STIM2: variants seen among roughly 807,000 people sequenced by gnomAD.
STIM2 encodes stromal interaction molecule 2.
A neutral mutation model predicts 85.8 loss-of-function variants in STIM2; 31 were observed. The ratio of observed to expected loss-of-function variants is 0.36; its 90% CI spans 0.27 to 0.49. The LOEUF is 0.49. Among genes scored for constraint, STIM2 ranks in the 20% least tolerant of loss-of-function variants. The pLI, the probability that STIM2 is intolerant of heterozygous loss-of-function variation, is 0.98. For synonymous variants in STIM2, 356 were observed against 331.1 expected, an observed-to-expected ratio of 1.08 and a Z score of -0.82; for missense variants, 841 against 927.6, an observed-to-expected ratio of 0.91 and a Z score of 1.21.
Position 26,861,387 on chromosome 4 carries a change from G to C in STIM2, c.151+18G>C. 7.8e-7 allele frequency: 1 copy of C among 1,286,130 alleles called. No homozygotes were observed. Among genetic ancestry groups the C allele is most frequent in the Non-Finnish European group, 9.8e-7 (1 of 1,020,796 alleles). The allele number at this position is 1,286,130 out of a possible 1,614,324, so 79.7% of individuals were successfully genotyped here. A position where few individuals can be genotyped will look rare whatever the true frequency, so the allele number is the denominator to read the frequency against. On this transcript the variant is annotated intron_variant, in intron 1 of 11. Transcript: ENST00000467087. ...CATGACAGGTGAGGGGCCGGGGGGC[G>C]GCGGGCGGGGCTCGGCCGGCAGCGA... is the stretch of plus-strand genomic sequence containing the variant.
intron 2 of STIM2, among the ~76,000 whole-genome samples, chr4:26,932,913 C>T (rs895199307): frequency 5.9e-5 from 9 of 152,160 alleles, no homozygotes; most frequent in African/African-American, 2.2e-4. Flanking sequence ...GGAAAAAACA[C>T]ATAACGACTT....
intron 1 of STIM2, among the ~76,000 whole-genome samples, chr4:26,900,869 C>T (rs545850583): frequency 1.3e-5 from 2 of 152,302 alleles, no homozygotes; most frequent in Admixed American, 6.5e-5. Context: ...CTCTCTGTCA[C>T]TGCTGTAGCT....
Position 27,022,483 on chromosome 4 carries a change from A to G in STIM2, c.1764-36A>G. On this transcript the variant is annotated intron_variant, in intron 11 of 11. Coordinates refer to ENST00000467087, the MANE Select transcript of STIM2 (RefSeq NM_020860.4). ...TGCTAGTACTCTTAAGAACATACTG[A>G]TTTAAAATTTGTACCTTTGTTTGTG... 2.6e-6 allele frequency: 4 copies of G among 1,517,602 alleles called. No individual in the cohort carries two copies. In the East Asian group the frequency reaches 9.1e-5, roughly 34 times the overall value. The allele number at this position is 1,517,602 out of a possible 1,614,324, so 94.0% of individuals were successfully genotyped here. A position where few individuals can be genotyped will look rare whatever the true frequency, so the allele number is the denominator to read the frequency against.
chr4:26,961,951 A>G (rs1010540), intron 3 of STIM2, among the ~76,000 whole-genome samples: 2,277 of 152,054 alleles, frequency 0.015, 37 homozygotes, highest in Non-Finnish European at 0.025. Flanking sequence ...GGATCTTACT[A>G]TGTTGCCAAG....
intron 1 of STIM2, among the ~76,000 whole-genome samples, chr4:26,907,332 G>A (rs1284757793): frequency 6.6e-6 from 1 of 152,084 alleles, no homozygotes; most frequent in African/African-American, 2.4e-5. Flanking sequence ...AGGATAGGTA[G>A]AAAGGACCAT....
intron 10 of STIM2, among the ~76,000 whole-genome samples, chr4:27,011,604 C>T (rs745488243): frequency 6.6e-6 from 1 of 152,174 alleles, no homozygotes; most frequent in Non-Finnish European, 1.5e-5. Context: ...TGCCTGTATC[C>T]TCATCAGTAC....
intron 1 of STIM2, among the ~76,000 whole-genome samples, chr4:26,867,947 G>A (rs958012292): frequency 1.3e-5 from 2 of 152,142 alleles, no homozygotes; most frequent in Non-Finnish European, 2.9e-5. Flanking sequence ...TAAATTGGGG[G>A]TAGGGAACCC....
At chr4:27,008,636 G>T in intron 9 of STIM2, 108 bp downstream of exon 9, 1 of 1,147,738 alleles carries the variant, frequency 8.7e-7, no homozygotes, top group Non-Finnish European at 1.2e-6. Flanking sequence ...ATTTACATTA[G>T]TTTTAAGAGT....
chr4:26,878,465 A>T (rs911600716), intron 1 of STIM2, among the ~76,000 whole-genome samples: 1 of 152,058 alleles, frequency 6.6e-6, no homozygotes, highest in African/African-American at 2.4e-5. Context: ...TTTTACTTCT[A>T]TCTCTCCCCT....
intron 1 of STIM2, among the ~76,000 whole-genome samples, chr4:26,871,773 G>A (rs544747034): frequency 6.7e-6 from 1 of 149,554 alleles, no homozygotes; most frequent in South Asian, 2.1e-4. Context: ...CAAATTCCTG[G>A]GCTTAGGCAA....
At chr4:26,914,328 C>A (rs1724453219) in intron 1 of STIM2, among the ~76,000 whole-genome samples, 1 of 152,124 alleles carries the variant, frequency 6.6e-6, no homozygotes, top group East Asian at 1.9e-4. Context: ...GTTATTATCA[C>A]CCTTTTGTTA....
chr4:26,927,900 T>G (rs538114047), intron 2 of STIM2, among the ~76,000 whole-genome samples: 10 of 147,414 alleles, frequency 6.8e-5, no homozygotes, highest in African/African-American at 2.2e-4. Context: ...TAAATATATA[T>G]TAATATATTT....
chr4:27,019,097 G>T (rs7680703), intron 11 of STIM2, among the ~76,000 whole-genome samples: 2,921 of 152,270 alleles, frequency 0.019, 101 homozygotes, highest in African/African-American at 0.067. Flanking sequence ...GTATTGAGTG[G>T]TAGTTTCAGG....
chr4:26,915,871 A>G (rs1358918434), intron 1 of STIM2, among the ~76,000 whole-genome samples: 1 of 152,190 alleles, frequency 6.6e-6, no homozygotes, highest in Non-Finnish European at 1.5e-5. Flanking sequence ...ACAGAGCCTG[A>G]CGTATTATAG....
intron 2 of STIM2, among the ~76,000 whole-genome samples, chr4:26,954,864 C>T (rs56001106): frequency 0.042 from 6,251 of 147,192 alleles, 956 homozygotes; most frequent in African/African-American, 0.13. Context: ...TGGTTTGTTA[C>T]GAGTTATTGT....
At chr4:27,006,745 A>G (rs1004064267) in intron 7 of STIM2, among the ~76,000 whole-genome samples, 3 of 152,186 alleles carry the variant, frequency 2.0e-5, no homozygotes, top group African/African-American at 7.2e-5. Flanking sequence ...GGCAGGTGGA[A>G]GAAATACTAT....
intron 1 of STIM2, among the ~76,000 whole-genome samples, chr4:26,914,419 A>T (rs1724456502): frequency 6.6e-6 from 1 of 152,174 alleles, no homozygotes. Flanking sequence ...ATCAGTGTAA[A>T]TGTCACTTTC....
chr4:26,912,170 T>TAAA (rs1724368626), intron 1 of STIM2, among the ~76,000 whole-genome samples: 1 of 152,208 alleles, frequency 6.6e-6, no homozygotes, highest in African/African-American at 2.4e-5. Flanking sequence ...ATTTAAAAAG[T>TAAA]TCTCTCAGTG....
Position 27,022,560 on chromosome 4 carries a change from C to T in STIM2, c.1805C>T (p.Ser602Phe). Residue 602 changes from serine (S) to phenylalanine (F), a missense_variant, in exon 12 of 12, where the codon TCT (serine) becomes TTT (phenylalanine). Coordinates refer to ENST00000467087, the MANE Select transcript of STIM2 (RefSeq NM_020860.4). ...GCTTCAGAATGTGACTCCTTAAATT[C>T]TTCCATTGGAAGGAAACAGTCTCCT... 3 of 1,607,478 alleles carry T rather than the reference C, an allele frequency of 1.9e-6. No homozygotes were observed. In the South Asian group the frequency reaches 3.3e-5, roughly 18 times the overall value.
Sources: allele counts gnomAD v4.1 joint callset (sites outside exome capture counted in the v4.1 genomes callset), GRCh38; gene constraint gnomAD v4.1.1; transcripts MANE v1.5; gene names NCBI Gene and HGNC (gene_info 2026-07-23, HGNC 2026-07-21).